Variants in FARP1 observed in about 807,000 individuals in gnomAD.
FARP1 encodes the protein FERM, ARHGEF and pleckstrin domain-containing protein 1.
FARP1 carries 52 observed loss-of-function variants against 128.8 expected under a neutral mutation model. The observed-to-expected ratio is 0.40, with a 90% CI of 0.32 to 0.51. FARP1 has a LOEUF of 0.51. Ranked by LOEUF, FARP1 falls within the 20% of genes least tolerant of loss-of-function variation. The probability of loss-of-function intolerance (pLI) is 0.45; values close to 1 mark genes in which losing one functional copy is unlikely to be tolerated. For missense variants in FARP1, 1,333 were observed against 1,367.9 expected, an observed-to-expected ratio of 0.97 and a Z score of 0.40; for synonymous variants, 580 against 551.8, an observed-to-expected ratio of 1.05 and a Z score of -0.72.
intron 2 of FARP1, among the ~76,000 whole-genome samples, chr13:98,266,746 TC>T (rs1884135437): frequency 6.6e-6 from 1 of 152,144 alleles, no homozygotes; most frequent in South Asian, 2.1e-4. Context: ...GCGTGGTGGC[TC>T]GCACCTATAA....
rs566906962 is a variant in FARP1, at chr13:98,221,560, G to A, written c.171+8147G>A. Reference sequence around the variant, plus strand: ...CATTTCTGCCAAGCTCGTTTACTGCGTTTTTGTGGACTTACGTGCAGCTTC... The same window carrying A: ...CATTTCTGCCAAGCTCGTTTACTGCATTTTTGTGGACTTACGTGCAGCTTC... On this transcript the variant is annotated intron_variant, in intron 2 of 26. Coordinates refer to ENST00000319562, the MANE Select transcript of FARP1 (RefSeq NM_005766.4). Among the ~76,000 whole-genome samples, 291 of 152,294 alleles carry A rather than the reference G, an allele frequency of 1.9e-3. 3 individuals carry two copies. The highest frequency in any genetic ancestry group is 0.01 in the Middle Eastern group (3 of 294).
chr13:98,358,237 A>G (rs1305184976), intron 3 of FARP1, among the ~76,000 whole-genome samples: 3 of 151,540 alleles, frequency 2.0e-5, no homozygotes, highest in Non-Finnish European at 4.4e-5. Flanking sequence ...TCTTGCACTC[A>G]TGGATTTGGC....
intron 3 of FARP1, among the ~76,000 whole-genome samples, chr13:98,358,071 G>GTT (rs1261668721): frequency 8.0e-5 from 11 of 137,096 alleles, no homozygotes; most frequent in Non-Finnish European, 7.9e-5. Context: ...ATACATTTCT[G>GTT]TTTTTTTTTT....
intron 18 of FARP1, 132 bp downstream of exon 18, chr13:98,431,412 A>G: frequency 1.7e-6 from 1 of 583,986 alleles, no homozygotes. Context: ...GGTTTTCATC[A>G]GGGTGGGCGC....
In FARP1 at chr13:98,437,653, C is replaced by T. The variant is rs369892063; in HGVS notation, c.2275-1151C>T. ...AGCCAAGGCTCTGGTGATAGCTGGG[C>T]GCAGGAAGATGGTGAGTTATCTGTG... On this transcript the variant is annotated intron_variant, in intron 19 of 26. Coordinates refer to ENST00000319562, the MANE Select transcript of FARP1 (RefSeq NM_005766.4). 4.1e-5 allele frequency: 26 copies of T among 629,494 alleles called. No individual in the cohort carries two copies. The Admixed American group carries it at 5.1e-4, about 12-fold the overall frequency. 39.0% of individuals were successfully genotyped at this position (629,494 alleles called of 1,614,324 possible).
intron 17 of FARP1, among the ~76,000 whole-genome samples, chr13:98,429,890 C>G (rs1566313149): frequency 1.3e-5 from 2 of 152,134 alleles, no homozygotes; most frequent in Admixed American, 6.5e-5. Flanking sequence ...TCATTTTGTG[C>G]CTTTTATATC....
intron 2 of FARP1, among the ~76,000 whole-genome samples, chr13:98,288,453 G>A (rs1885297792): frequency 6.6e-6 from 1 of 152,160 alleles, no homozygotes; most frequent in African/African-American, 2.4e-5. Flanking sequence ...TTCAGTATGA[G>A]CCAAAGCACT....
chr13:98,286,797 G>A (rs568343712), intron 2 of FARP1, among the ~76,000 whole-genome samples: 1 of 152,222 alleles, frequency 6.6e-6, no homozygotes, highest in South Asian at 2.1e-4. Context: ...TCTTGTTGTT[G>A]TTTAAAGAAA....
chr13:98,216,491 C>T (rs1377706669), intron 2 of FARP1, among the ~76,000 whole-genome samples: 15 of 152,204 alleles, frequency 9.9e-5, no homozygotes, highest in East Asian at 1.9e-4. Flanking sequence ...GAGCTGGGCA[C>T]GTGGCCAGAA....
At chr13:98,151,619 G>T (rs1311178629) in intron 1 of FARP1, among the ~76,000 whole-genome samples, 2 of 142,446 alleles carry the variant, frequency 1.4e-5, no homozygotes, top group Non-Finnish European at 3.1e-5. Context: ...TTGGAGTATA[G>T]TTGTTGAAGC....
At chr13:98,280,132 A>C (rs1884860390) in intron 2 of FARP1, among the ~76,000 whole-genome samples, 1 of 152,022 alleles carries the variant, frequency 6.6e-6, no homozygotes. Flanking sequence ...CTCAATGCTG[A>C]CTATTCTTTT....
intron 16 of FARP1, among the ~76,000 whole-genome samples, chr13:98,417,455 G>GAAAAAAAAAAA (rs869304302): frequency 5.1e-5 from 3 of 58,474 alleles, no homozygotes; most frequent in African/African-American, 1.1e-4. Context: ...CCAGAGGTTT[G>GAAAAAAAAAAA]AAAAAAAAAA....
chr13:98,183,920 T>C (rs575379413), intron 1 of FARP1, among the ~76,000 whole-genome samples: 10 of 152,250 alleles, frequency 6.6e-5, no homozygotes, highest in Admixed American at 3.9e-4. Context: ...GCTTGACATA[T>C]GGTGGGCATG....
rs1234807896 is a variant in FARP1 at position 98,213,205 on chromosome 13, C to T, written c.-23-15C>T. The T allele has an allele frequency of 2.5e-6, 4 of 1,592,514 alleles. No individual in the cohort carries two copies. The highest frequency in any genetic ancestry group is 1.8e-5 in the Admixed American group (1 of 56,138). On this transcript the variant is annotated splice_polypyrimidine_tract_variant and intron_variant, in intron 1 of 26. Transcript: ENST00000319562. ...CCTATTCTGATGTGTTTTTCTTTCTCACTGCTTCCTGCAGATATTCTCTAA... is the reference window on the plus strand; with the variant it reads ...CCTATTCTGATGTGTTTTTCTTTCTTACTGCTTCCTGCAGATATTCTCTAA...
At chr13:98,331,939 A>G (rs1017387905) in intron 2 of FARP1, among the ~76,000 whole-genome samples, 14 of 152,236 alleles carry the variant, frequency 9.2e-5, no homozygotes, top group Admixed American at 2.0e-4. Flanking sequence ...TTTTCCTTCC[A>G]TCTTTATAAT....
chr13:98,278,994 T>C (rs1236215217), intron 2 of FARP1, among the ~76,000 whole-genome samples: 2 of 97,512 alleles, frequency 2.1e-5, no homozygotes, highest in Admixed American at 9.5e-5. Context: ...CCCTGCTAAT[T>C]TTTTTTTTTT....
At chr13:98,149,967 G>C (rs1395098273) in intron 1 of FARP1, among the ~76,000 whole-genome samples, 1 of 151,690 alleles carries the variant, frequency 6.6e-6, no homozygotes, top group Non-Finnish European at 1.5e-5. Context: ...TCGATCTCCT[G>C]ACCTTGTGAT....
At chr13:98,424,963 C>A (rs1335448951) in intron 17 of FARP1, among the ~76,000 whole-genome samples, 5 of 150,686 alleles carry the variant, frequency 3.3e-5, no homozygotes, top group Non-Finnish European at 5.9e-5. Context: ...CAAGACAATT[C>A]TTCTTCTTCC....
chr13:98,181,537 C>G (rs1205918571), intron 1 of FARP1, among the ~76,000 whole-genome samples: 3 of 151,278 alleles, frequency 2.0e-5, no homozygotes, highest in Non-Finnish European at 4.4e-5. Context: ...AAAAAAAATA[C>G]AAAAAAGTAA....
Sources: gnomAD v4.1 joint callset for allele counts (sites outside exome capture counted in the v4.1 genomes callset) on GRCh38, gnomAD v4.1.1 for gene constraint, MANE v1.5 for transcripts, NCBI Gene and HGNC (gene_info 2026-07-23, HGNC 2026-07-21) for gene names.